The following FOXP2 variants were observed in gnomAD, a reference collection of about 807,000 sequenced individuals.
The protein encoded by FOXP2 is forkhead box protein P2.
FOXP2 carries 12 observed loss-of-function variants against 115.8 expected under a neutral mutation model. The observed-to-expected ratio is 0.10, with a 90% CI of 0.07 to 0.17. The LOEUF (loss-of-function observed/expected upper bound fraction) is 0.17, where lower values mean the gene tolerates loss of function less well. Among genes scored for constraint, FOXP2 ranks in the 10% least tolerant of loss-of-function variants. The pLI is 1.00. For synonymous variants in FOXP2, 328 were observed against 297.7 expected (o/e 1.10, Z -1.05); for missense variants, 629 against 843.5 (o/e 0.75, Z 3.15).
chr7:114,527,533 C>T (rs1264510062), intron 2 of FOXP2, among the ~76,000 whole-genome samples: 1 of 152,074 alleles, frequency 6.6e-6, no homozygotes, highest in Non-Finnish European at 1.5e-5. Context: ...CTCCCTTTGC[C>T]TTAACTATTC....
At chr7:114,286,866 T>G (rs1443348674) in intron 1 of FOXP2, among the ~76,000 whole-genome samples, 3 of 152,004 alleles carry the variant, frequency 2.0e-5, no homozygotes, top group African/African-American at 4.8e-5. Flanking sequence ...CCAGAATACG[T>G]GATTGTTAAT....
At chr7:114,468,303 G>A (rs1017125037) in intron 2 of FOXP2, among the ~76,000 whole-genome samples, 1 of 152,006 alleles carries the variant, frequency 6.6e-6, no homozygotes, top group Non-Finnish European at 1.5e-5. Flanking sequence ...ACCAAATTCT[G>A]GCTCTGCATT....
chr7:114,687,860 C>T (rs1689968780), intron 16 of FOXP2, among the ~76,000 whole-genome samples: 1 of 151,402 alleles, frequency 6.6e-6, no homozygotes, highest in African/African-American at 2.4e-5. Flanking sequence ...GTAATGAGTT[C>T]TAATTAAATT....
chr7:114,426,839 A>G (rs1044822793), intron 2 of FOXP2, among the ~76,000 whole-genome samples, 160 bp downstream of exon 2: 7 of 151,758 alleles, frequency 4.6e-5, no homozygotes, highest in African/African-American at 1.7e-4. Flanking sequence ...TAAAGAGATA[A>G]GATTTTCATA....
At chr7:114,393,979 A>T (rs62469232) in intron 2 of FOXP2, among the ~76,000 whole-genome samples, 1 of 56,182 alleles carries the variant, frequency 1.8e-5, no homozygotes, top group African/African-American at 5.0e-5. Context: ...TGTGTGTGTG[A>T]GAGTGTGTGT....
At chr7:114,669,281 G>A (rs1262358000) in intron 16 of FOXP2, 1 of 151,978 alleles carries the variant, frequency 6.6e-6, no homozygotes, top group Non-Finnish European at 1.5e-5. Flanking sequence ...AAGTAGGAAA[G>A]GTTAAAGCCA....
intron 3 of FOXP2, among the ~76,000 whole-genome samples, chr7:114,535,293 G>C (rs1799325169): frequency 6.6e-6 from 1 of 150,446 alleles, no homozygotes; most frequent in Non-Finnish European, 1.5e-5. Context: ...TATAATCCTT[G>C]TTTTATGCAG....
intron 1 of FOXP2, among the ~76,000 whole-genome samples, chr7:114,178,725 T>G (rs1049331882): frequency 4.6e-5 from 7 of 151,918 alleles, no homozygotes; most frequent in Non-Finnish European, 7.4e-5. Flanking sequence ...GAAATCTAAT[T>G]AGTTTACGTG....
At chr7:114,535,479 A>G (rs1799338547) in intron 3 of FOXP2, among the ~76,000 whole-genome samples, 1 of 151,584 alleles carries the variant, frequency 6.6e-6, no homozygotes, top group Admixed American at 6.6e-5. Context: ...TGTTATATAC[A>G]TGTCTAATAA....
chr7:114,539,043 A>T (rs1799526888), intron 3 of FOXP2, among the ~76,000 whole-genome samples: 1 of 151,878 alleles, frequency 6.6e-6, no homozygotes, highest in Admixed American at 6.6e-5. Context: ...AAATGTTTTG[A>T]TATAATGCAA....
chr7:114,621,702 C>A (rs544666953), intron 3 of FOXP2, among the ~76,000 whole-genome samples: 108 of 152,034 alleles, frequency 7.1e-4, no homozygotes, highest in Admixed American at 1.6e-3. Context: ...TTGTTCCATT[C>A]TTGAACTTTG....
At chr7:114,454,917 C>T (rs1283624915) in intron 2 of FOXP2, among the ~76,000 whole-genome samples, 10 of 136,002 alleles carry the variant, frequency 7.4e-5, no homozygotes, top group Non-Finnish European at 1.2e-4. Flanking sequence ...ATACCTAATG[C>T]TAGATGACGA....
At chr7:114,404,458 C>T (rs961540583) in intron 2 of FOXP2, among the ~76,000 whole-genome samples, 4 of 151,852 alleles carry the variant, frequency 2.6e-5, no homozygotes, top group African/African-American at 7.3e-5. Context: ...AAAATTTTCC[C>T]TTATATATGA....
chr7:114,286,029 T>A (rs1796458962), intron 1 of FOXP2, among the ~76,000 whole-genome samples: 1 of 152,018 alleles, frequency 6.6e-6, no homozygotes, highest in Admixed American at 6.6e-5. Flanking sequence ...AATATTTGCC[T>A]AATTTTTTTT....
At chr7:114,603,964 A>G (rs758591435) in intron 3 of FOXP2, among the ~76,000 whole-genome samples, 2 of 152,238 alleles carry the variant, frequency 1.3e-5, no homozygotes, top group Non-Finnish European at 2.9e-5. Context: ...TAGATATGCC[A>G]GAGATTCAAG....
chr7:114,590,415 C>T (rs1802384561), intron 3 of FOXP2, among the ~76,000 whole-genome samples: 4 of 152,152 alleles, frequency 2.6e-5, no homozygotes, highest in South Asian at 4.1e-4. Context: ...GCTGACTCTC[C>T]AAACTAGGGA....
At chr7:114,199,771 T>C (rs1199535111) in intron 1 of FOXP2, among the ~76,000 whole-genome samples, 6 of 152,210 alleles carry the variant, frequency 3.9e-5, no homozygotes, top group Non-Finnish European at 8.8e-5. Context: ...AAGTTTTACA[T>C]GTGTAGATGA....
intron 2 of FOXP2, among the ~76,000 whole-genome samples, chr7:114,437,382 C>T (rs1016931887): frequency 2.6e-5 from 4 of 152,142 alleles, no homozygotes; most frequent in Non-Finnish European, 4.4e-5. Flanking sequence ...CATGGAGCAG[C>T]GCCTTAGATG....
At chr7:114,146,590 T>C (rs1446418140) in intron 1 of FOXP2, among the ~76,000 whole-genome samples, 4 of 152,224 alleles carry the variant, frequency 2.6e-5, no homozygotes, top group Non-Finnish European at 4.4e-5. Context: ...AGAAGAATTT[T>C]ATTTTCACAC....
Sources: allele counts gnomAD v4.1 joint callset (sites outside exome capture counted in the v4.1 genomes callset), GRCh38; gene constraint gnomAD v4.1.1; transcripts MANE v1.5; gene names NCBI Gene and HGNC (gene_info 2026-07-23, HGNC 2026-07-21).